HPGD: variants seen among roughly 807,000 people sequenced by gnomAD.
HPGD encodes 15-hydroxyprostaglandin dehydrogenase [NAD(+)].
Under a neutral mutation model 30.0 loss-of-function variants are expected in HPGD, and 29 were observed. That is an observed-to-expected ratio of 0.97 (90% CI 0.72 to 1.32). The LOEUF (loss-of-function observed/expected upper bound fraction) is 1.32, where lower values mean the gene tolerates loss of function less well. Among genes scored for constraint, HPGD ranks in the 40% most tolerant of loss-of-function variants. The pLI, the probability that HPGD is intolerant of heterozygous loss-of-function variation, is 0.00. For missense variants in HPGD, 340 were observed against 322.1 expected (o/e 1.06, Z -0.43); for synonymous variants, 99 against 112.4 (o/e 0.88, Z 0.75).
chr4:174,511,678 G>C (rs573241841), intron 3 of HPGD, among the ~76,000 whole-genome samples: 1 of 151,834 alleles, frequency 6.6e-6, no homozygotes, highest in African/African-American at 2.4e-5. Flanking sequence ...ACAGAGTCTC[G>C]CTCTGTCGCC....
intron 4 of HPGD, among the ~76,000 whole-genome samples, chr4:174,503,669 T>C (rs1184583466): frequency 6.6e-6 from 1 of 152,190 alleles, no homozygotes; most frequent in Non-Finnish European, 1.5e-5. Context: ...TCTTCGGCTA[T>C]TGGAGTCCCA....
At chr4:174,516,252 A>G (rs1735764546) in intron 3 of HPGD, among the ~76,000 whole-genome samples, 1 of 152,196 alleles carries the variant, frequency 6.6e-6, no homozygotes, top group Admixed American at 6.5e-5. Context: ...GATGCCCATC[A>G]ACGGGGGACT....
At chr4:174,495,252 T>A (rs990766564) in intron 5 of HPGD, 11 of 396,220 alleles carry the variant, frequency 2.8e-5, no homozygotes, top group African/African-American at 2.3e-4. Flanking sequence ...AAGCTGAAGT[T>A]AATAATATTT....
chr4:174,510,055 T>A (rs1735401142), intron 3 of HPGD, among the ~76,000 whole-genome samples: 1 of 152,364 alleles, frequency 6.6e-6, no homozygotes, highest in Non-Finnish European at 1.5e-5. Context: ...AATTCCTATT[T>A]TTTTCATGCT....
chr4:174,503,135 G>C (rs1239721597), intron 4 of HPGD, among the ~76,000 whole-genome samples: 1 of 152,040 alleles, frequency 6.6e-6, no homozygotes, highest in Non-Finnish European at 1.5e-5. Context: ...CATTCCTACT[G>C]ATTACTTCTA....
Position 174,495,539 on chromosome 4 carries a change from T to A in HPGD, c.498+9A>T. ...AGAAAATGAGATATGACGGTTGTTG[T>A]AGCCTCACCGCTGCTGAGCGTGTGA... On this transcript the variant is annotated intron_variant, in intron 5 of 6. Transcript: ENST00000296522. The A allele has an allele frequency of 6.3e-7, 1 of 1,599,802 alleles. No individual in the cohort carries two copies. Among genetic ancestry groups the A allele is most frequent in the East Asian group, 2.2e-5 (1 of 44,778 alleles).
At chr4:174,502,619 A>G (rs1187767510) in intron 4 of HPGD, among the ~76,000 whole-genome samples, 1 of 144,446 alleles carries the variant, frequency 6.9e-6, no homozygotes, top group African/African-American at 2.6e-5. Context: ...CGGAGCTTGC[A>G]GTGAGCCGAG....
intron 3 of HPGD, among the ~76,000 whole-genome samples, chr4:174,513,414 C>T (rs567514208): frequency 6.6e-6 from 1 of 151,262 alleles, no homozygotes; most frequent in African/African-American, 2.4e-5. Context: ...AAATACAACT[C>T]TTAATAAGTC....
chr4:174,518,977 C>T (rs1049311762), intron 2 of HPGD, among the ~76,000 whole-genome samples: 3 of 151,746 alleles, frequency 2.0e-5, no homozygotes, highest in Non-Finnish European at 4.4e-5. Context: ...TCCAGACCAA[C>T]ATATCAAGTC....
chr4:174,516,161 T>C (rs1290263920), intron 3 of HPGD, among the ~76,000 whole-genome samples: 19 of 152,024 alleles, frequency 1.2e-4, no homozygotes, highest in Admixed American at 1.2e-3. Context: ...CAAAGGAACA[T>C]AAATCATTCT....
chr4:174,511,685 C>T (rs1579294823), intron 3 of HPGD, among the ~76,000 whole-genome samples: 1 of 152,198 alleles, frequency 6.6e-6, no homozygotes, highest in Middle Eastern at 3.4e-3. Context: ...CTCGCTCTGT[C>T]GCCCAGGCTG....
chr4:174,516,679 T>A (rs1456725779), intron 3 of HPGD, among the ~76,000 whole-genome samples: 1 of 152,028 alleles, frequency 6.6e-6, no homozygotes, highest in East Asian at 1.9e-4. Context: ...AATTGAAAAA[T>A]TTAAAAAACT....
rs1448422385 is a variant in HPGD at position 174,496,064 on chromosome 4, C to T, written c.422-440G>A. Among the ~76,000 whole-genome samples, 2 of 152,174 alleles carry T rather than the reference C, an allele frequency of 1.3e-5. No homozygotes were observed. Among genetic ancestry groups the T allele is most frequent in the Non-Finnish European group, 2.9e-5 (2 of 68,030 alleles). ...GAAGGAATTTGAATCTTCAGAGAGT[C>T]TTGGAGATTATTAGTCTTCACTACA... is the stretch of plus-strand genomic sequence containing the variant. On this transcript the variant is annotated intron_variant, in intron 4 of 6. Transcript: ENST00000296522. This position sits in a 1 kb window ranked among gnomAD's most constrained non-coding sequence, Gnocchi z 4.6.
At chr4:174,506,944 T>C (rs1735220732) in intron 4 of HPGD, 2 of 152,218 alleles carry the variant, frequency 1.3e-5, no homozygotes, top group African/African-American at 4.8e-5. Context: ...GCTGACCCTC[T>C]TAGCTTTATG....
Position 174,508,765 on chromosome 4 carries a change from C to T in HPGD, c.352G>A (p.Gly118Ser), listed in dbSNP as rs756055504. ...LVSVISGTYL[G>S]LDYMSKQNGG... is the part of the protein sequence containing the mutation. ...TTTTGCTTACTCATGTAATCCAAAC[C>T]AAGATAGGTTCCACTGATAACAGAA... The change falls in exon 4 of 7, where the codon GGT becomes AGT. Residue 118 changes from glycine to serine, a missense_variant. Gly to Ser is a moderately conservative substitution (Grantham distance 56). Transcript: ENST00000296522. The T allele has an allele frequency of 3.7e-5, 60 of 1,604,716 alleles. No homozygotes were observed. Among genetic ancestry groups the T allele is most frequent in the Non-Finnish European group, 5.0e-5 (59 of 1,171,918 alleles).
intron 4 of HPGD, among the ~76,000 whole-genome samples, chr4:174,502,075 C>T (rs924847023): frequency 2.0e-5 from 3 of 152,090 alleles, no homozygotes; most frequent in Admixed American, 6.5e-5. Context: ...CGTATGATAA[C>T]CTGGAGTTCT....
rs1453474526 is a variant in HPGD at position 174,492,069 on chromosome 4, T to C, written c.688A>G (p.Ile230Val). Reference sequence around the variant, plus strand: ...AAAGCATCATCTTCAATGAGTGTTATCAATCCATTGGCAATCAATGGTGGG... The same window carrying C: ...AAAGCATCATCTTCAATGAGTGTTACCAATCCATTGGCAATCAATGGTGGG... ...LDPPLIANGL[I>V]TLIEDDALNG... Residue 230 changes from isoleucine to valine, a missense_variant, in exon 7 of 7, where the codon ATA (isoleucine) becomes GTA (valine). Physicochemically the swap from Ile to Val is conservative, Grantham distance 29. Coordinates refer to ENST00000296522, the MANE Select transcript of HPGD (RefSeq NM_000860.6). This position sits in a 1 kb window ranked among gnomAD's most constrained non-coding sequence, Gnocchi z 4.9. 3 of 1,611,442 alleles carry C rather than the reference T, an allele frequency of 1.9e-6. No homozygotes were observed. Among genetic ancestry groups the C allele is most frequent in the African/African-American group, 2.7e-5 (2 of 74,860 alleles).
At chr4:174,509,562 C>T (rs1351550358) in intron 3 of HPGD, among the ~76,000 whole-genome samples, 1 of 152,066 alleles carries the variant, frequency 6.6e-6, no homozygotes, top group Admixed American at 6.6e-5. Flanking sequence ...GGTTACATTG[C>T]CTGCTTTATA....
intron 5 of HPGD, chr4:174,495,223 T>C (rs1016102716): frequency 2.0e-5 from 7 of 354,500 alleles, no homozygotes; most frequent in Non-Finnish European, 3.2e-5. Context: ...TGGGGCCTAT[T>C]GCATCTTGCA....
Sources: allele counts gnomAD v4.1 joint callset (sites outside exome capture counted in the v4.1 genomes callset), GRCh38; gene constraint gnomAD v4.1.1; non-coding constraint Gnocchi (gnomAD v3.1); transcripts MANE v1.5; gene names NCBI Gene and HGNC (gene_info 2026-07-23, HGNC 2026-07-21).